ARHGEF37: variants seen among roughly 807,000 people sequenced by gnomAD.
ARHGEF37 encodes Rho guanine nucleotide exchange factor 37.
ARHGEF37 carries 55 observed loss-of-function variants against 71.1 expected under a neutral mutation model. The ratio of observed to expected loss-of-function variants is 0.77; its 90% CI spans 0.62 to 0.97. ARHGEF37 has a LOEUF of 0.97. Ranked by LOEUF, ARHGEF37 falls within the 50% of genes least tolerant of loss-of-function variation. ARHGEF37 has a pLI of 0.00. For synonymous variants in ARHGEF37, 327 were observed against 350.6 expected, an observed-to-expected ratio of 0.93 and a Z score of 0.75; for missense variants, 765 against 836.8, an observed-to-expected ratio of 0.91 and a Z score of 1.06.
intron 1 of ARHGEF37, among the ~76,000 whole-genome samples, chr5:149,583,141 CTTTG>C (rs537978572): frequency 2.8e-3 from 427 of 152,120 alleles, no homozygotes; most frequent in Middle Eastern, 6.8e-3. Flanking sequence ...GTTGTTTTTT[CTTTG>C]TTTGTTTGTT....
intron 1 of ARHGEF37, chr5:149,552,179 A>G (rs1355171692): frequency 6.9e-6 from 1 of 145,964 alleles, no homozygotes; most frequent in Non-Finnish European, 1.5e-5. Flanking sequence ...AAATTAATTT[A>G]ACAAGAGTGA....
rs553883214 is a variant in ARHGEF37, at chr5:149,602,561, C to T, written c.310+1330C>T. ...AGAGTGCAATGGAGCAATCATGGCTCACTGCAGCCTCTACCTTCCAGCCTC... is the reference window on the plus strand; with the variant it reads ...AGAGTGCAATGGAGCAATCATGGCTTACTGCAGCCTCTACCTTCCAGCCTC... On this transcript the variant is annotated intron_variant, in intron 3 of 12. Transcript: ENST00000333677. Among the ~76,000 whole-genome samples, 5 of 151,818 alleles carry T rather than the reference C, an allele frequency of 3.3e-5. No homozygotes were observed. In the East Asian group the frequency reaches 9.7e-4, roughly 29 times the overall value.
intron 1 of ARHGEF37, among the ~76,000 whole-genome samples, chr5:149,583,662 G>A (rs1361724068): frequency 1.3e-5 from 2 of 152,194 alleles, no homozygotes; most frequent in Non-Finnish European, 2.9e-5. Flanking sequence ...AATGAGGTAG[G>A]GAATGTGTTT....
At position 149,634,895 on chromosome 5, in the gene ARHGEF37, G is replaced by T. The variant is rs544523432; in HGVS notation, c.*2704G>T. On this transcript the variant is annotated 3_prime_UTR_variant, in exon 13 of 13. Transcript: ENST00000333677. ...CAAAAGAAAGATGAATGAATTCTTG[G>T]TTAATATGACGAACCCCAGCTCAAT... is the stretch of plus-strand genomic sequence containing the variant. 43 of 152,378 alleles carry T rather than the reference G, an allele frequency of 2.8e-4. No homozygotes were observed. Among genetic ancestry groups the T allele is most frequent in the Admixed American group, 2.4e-3 (37 of 15,300 alleles). The allele number at this position is 152,378 out of a possible 1,614,324, so 9.4% of individuals were successfully genotyped here.
chr5:149,632,560 T>C lies in ARHGEF37; in HGVS notation c.*369T>C, dbSNP rs1258203607. 4.1e-6 allele frequency: 1 copy of C among 244,092 alleles called. No homozygotes were observed. Among genetic ancestry groups the C allele is most frequent in the Non-Finnish European group, 8.2e-6 (1 of 122,478 alleles). The allele number at this position is 244,092 out of a possible 1,614,324, so 15.1% of individuals were successfully genotyped here. A position where few individuals can be genotyped will look rare whatever the true frequency, so the allele number is the denominator to read the frequency against. On this transcript the variant is annotated 3_prime_UTR_variant, in exon 13 of 13. Coordinates refer to ENST00000333677, the MANE Select transcript of ARHGEF37 (RefSeq NM_001001669.3). ...TGGGCGTGGGTCACACGGGATAATGTTACCTGCGTGCTGTGTGGTTGCAGG... is the reference window on the plus strand; with the variant it reads ...TGGGCGTGGGTCACACGGGATAATGCTACCTGCGTGCTGTGTGGTTGCAGG...
At chr5:149,600,264 G>A (rs575352192) in intron 2 of ARHGEF37, among the ~76,000 whole-genome samples, 19 of 152,328 alleles carry the variant, frequency 1.2e-4, no homozygotes, top group African/African-American at 4.1e-4. Flanking sequence ...ATTATGCAGT[G>A]CGTGACTGTA....
At chr5:149,566,948 G>A (rs1011529587) in intron 1 of ARHGEF37, among the ~76,000 whole-genome samples, 2 of 151,968 alleles carry the variant, frequency 1.3e-5, no homozygotes, top group Non-Finnish European at 1.5e-5. Flanking sequence ...CTTTATAACT[G>A]TATTAATTTA....
intron 1 of ARHGEF37, among the ~76,000 whole-genome samples, chr5:149,595,960 T>TC (rs58720743): frequency 6.7e-6 from 1 of 149,162 alleles, no homozygotes; most frequent in African/African-American, 2.5e-5. Context: ...TTTTTTTTTT[T>TC]CCTGATCCAC....
Position 149,618,206 on chromosome 5 carries a change from C to A in ARHGEF37, c.689C>A (p.Thr230Asn). 6.2e-7 allele frequency: 1 copy of A among 1,614,244 alleles called. No individual in the cohort carries two copies. Among genetic ancestry groups the A allele is most frequent in the Non-Finnish European group, 8.5e-7 (1 of 1,180,030 alleles). ...AAGTACACCAAGGTAGAGCAGCTGA[C>A]CCTCCGGGAGCGGCTGGCCCGCATC... ...ASKYTKVEQL[T>N]LRERLARINT... The change falls in exon 6 of 13, where the codon ACC (threonine) becomes AAC (asparagine). Residue 230 changes from threonine (T) to asparagine (N), a missense_variant. Thr to Asn is a moderately conservative substitution (Grantham distance 65, BLOSUM62 0). This residue lies in a region of ARHGEF37 where 167 missense variants were observed against 173.3 expected (regional missense o/e 0.96). Transcript: ENST00000333677.
chr5:149,564,157 G>T (rs1052888089), intron 1 of ARHGEF37, among the ~76,000 whole-genome samples: 2 of 151,722 alleles, frequency 1.3e-5, no homozygotes, highest in Admixed American at 1.3e-4. Flanking sequence ...GGGTTTCGCT[G>T]TGTTGACCAG....
At chr5:149,589,519 AAC>A (rs1400619728) in intron 1 of ARHGEF37, among the ~76,000 whole-genome samples, 1 of 151,730 alleles carries the variant, frequency 6.6e-6, no homozygotes, top group African/African-American at 2.4e-5. Flanking sequence ...TTGTTTTTGA[AAC>A]ACAGTTTCCC....
chr5:149,627,848 A>C (rs1370991804), intron 11 of ARHGEF37, among the ~76,000 whole-genome samples: 1 of 152,168 alleles, frequency 6.6e-6, no homozygotes, highest in Non-Finnish European at 1.5e-5. Flanking sequence ...TGTGACCCAC[A>C]ATATGAGGGG....
intron 1 of ARHGEF37, among the ~76,000 whole-genome samples, chr5:149,558,565 T>C (rs895356959): frequency 2.0e-5 from 3 of 151,886 alleles, no homozygotes; most frequent in Non-Finnish European, 4.4e-5. Context: ...CATATTGTTC[T>C]GACTGGTCTT....
At chr5:149,564,824 A>G (rs1322909214) in intron 1 of ARHGEF37, among the ~76,000 whole-genome samples, 1 of 152,192 alleles carries the variant, frequency 6.6e-6, no homozygotes, top group Non-Finnish European at 1.5e-5. Flanking sequence ...AACTCTCTCA[A>G]AAAAACAAAA....
chr5:149,620,324 T>C (rs956075588), intron 7 of ARHGEF37, 30 bp from the exon 8 acceptor site: 18 of 1,525,348 alleles, frequency 1.2e-5, no homozygotes, highest in Non-Finnish European at 1.6e-5. Context: ...ACAGGCATGA[T>C]TGGATGTTTC....
rs1423735003 is a variant in ARHGEF37 at position 149,632,410 on chromosome 5, T to G, written c.*219T>G. 1.7e-6 allele frequency: 1 copy of G among 580,320 alleles called. No individual in the cohort carries two copies. The highest frequency in any genetic ancestry group is 2.9e-5 in the East Asian group (1 of 34,964). 35.9% of individuals were successfully genotyped at this position (580,320 alleles called of 1,614,324 possible). ...GCTCCAGCCAGGACTGCTCATTATG[T>G]CTGCATAAAGAACTCATTCCGACCT... On this transcript the variant is annotated 3_prime_UTR_variant, in exon 13 of 13. Transcript: ENST00000333677.
At chr5:149,582,539 A>G (rs1037358186) in intron 1 of ARHGEF37, among the ~76,000 whole-genome samples, 3 of 152,216 alleles carry the variant, frequency 2.0e-5, no homozygotes, top group Non-Finnish European at 4.4e-5. Context: ...AAGAATGAAC[A>G]TAAAGGCTAG....
intron 3 of ARHGEF37, among the ~76,000 whole-genome samples, chr5:149,607,523 G>T (rs762277601): frequency 6.6e-6 from 1 of 152,112 alleles, no homozygotes; most frequent in Non-Finnish European, 1.5e-5. Context: ...ATTGTCTCAC[G>T]CATCCATGTG....
rs1305272085 is a variant in ARHGEF37, at chr5:149,626,823, GA to G, written c.1465-252del. Reference sequence around the variant, plus strand: ...GCCCAATCCTAGGAGTTCAGTAACTGAGAGATTTCAGAACTTGAATTGGAAT... The same window carrying G: ...GCCCAATCCTAGGAGTTCAGTAACTGGAGATTTCAGAACTTGAATTGGAAT... On this transcript the variant is annotated intron_variant, in intron 10 of 12. Coordinates refer to ENST00000333677, the MANE Select transcript of ARHGEF37 (RefSeq NM_001001669.3). The G allele has an allele frequency of 3.1e-5, 11 of 354,370 alleles. No homozygotes were observed. The East Asian group carries it at 4.3e-4, about 14-fold the overall frequency. The allele number at this position is 354,370 out of a possible 1,614,324, so 22.0% of individuals were successfully genotyped here.
Sources: allele counts gnomAD v4.1 joint callset (sites outside exome capture counted in the v4.1 genomes callset), GRCh38; gene constraint gnomAD v4.1.1; regional missense constraint gnomAD v4.1.1; transcripts MANE v1.5; gene names NCBI Gene and HGNC (gene_info 2026-07-23, HGNC 2026-07-21).